NSMCE2: variants seen among roughly 807,000 people sequenced by gnomAD.
NSMCE2 encodes E3 SUMO-protein ligase NSE2.
In NSMCE2, 24 loss-of-function variants were observed where a neutral mutation model predicts 23.8. The observed-to-expected ratio is 1.01, with a 90% CI of 0.73 to 1.42. NSMCE2 has a LOEUF of 1.42. Ranked by LOEUF, NSMCE2 falls within the 40% of genes most tolerant of loss-of-function variation. The pLI is 0.00. For missense variants in NSMCE2, 284 were observed against 296.5 expected (o/e 0.96, Z 0.31); for synonymous variants, 92 against 94.1 (o/e 0.98, Z 0.13).
At chr8:125,345,450 A>G (rs1213183189) in intron 5 of NSMCE2, among the ~76,000 whole-genome samples, 1 of 152,248 alleles carries the variant, frequency 6.6e-6, no homozygotes, top group African/African-American at 2.4e-5. Context: ...TATTCAAAGC[A>G]TTCTCTTACT....
At chr8:125,134,417 C>T (rs1288378540) in intron 3 of NSMCE2, among the ~76,000 whole-genome samples, 1 of 152,162 alleles carries the variant, frequency 6.6e-6, no homozygotes, top group African/African-American at 2.4e-5. Flanking sequence ...GCTCCCCATC[C>T]TTGTCAACAC....
intron 5 of NSMCE2, among the ~76,000 whole-genome samples, chr8:125,203,077 A>G (rs1048752791): frequency 2.6e-5 from 4 of 152,168 alleles, no homozygotes; most frequent in Admixed American, 1.3e-4. Flanking sequence ...AGCTGCAGCT[A>G]TCACTATGTA....
chr8:125,161,783 C>T (rs1461307236), intron 4 of NSMCE2, among the ~76,000 whole-genome samples: 1 of 116,226 alleles, frequency 8.6e-6, no homozygotes, highest in Non-Finnish European at 1.7e-5. Context: ...CAGAGTGAGA[C>T]AATGTCTCAA....
At chr8:125,217,359 A>ATT (rs72476060) in intron 5 of NSMCE2, among the ~76,000 whole-genome samples, 8,890 of 150,388 alleles carry the variant, frequency 0.059, 332 homozygotes, top group South Asian at 0.13. Flanking sequence ...TTATTTATTT[A>ATT]TTTTTTATTT....
chr8:125,324,365 A>G (rs576420933), intron 5 of NSMCE2, among the ~76,000 whole-genome samples: 2 of 152,250 alleles, frequency 1.3e-5, no homozygotes, highest in African/African-American at 2.4e-5. Flanking sequence ...ACAAATGTTC[A>G]TAGCAGCTTT....
At chr8:125,309,248 CAAAAAAAAAAA>C (rs111355815) in intron 5 of NSMCE2, among the ~76,000 whole-genome samples, 2 of 65,534 alleles carry the variant, frequency 3.1e-5, no homozygotes, top group East Asian at 5.7e-4. Context: ...AACTCTGTCT[CAAAAAAAAAAA>C]AAAAAAAAAA....
intron 4 of NSMCE2, among the ~76,000 whole-genome samples, chr8:125,181,614 A>G (rs1299835840): frequency 6.6e-6 from 1 of 152,130 alleles, no homozygotes; most frequent in Non-Finnish European, 1.5e-5. Flanking sequence ...ATTCCTTGGC[A>G]TGGCAGGACA....
intron 5 of NSMCE2, among the ~76,000 whole-genome samples, chr8:125,314,183 T>C (rs989505717): frequency 5.9e-5 from 9 of 152,250 alleles, no homozygotes; most frequent in African/African-American, 2.2e-4. Flanking sequence ...GGCCAATTCC[T>C]CCCAGCCATT....
At chr8:125,266,152 C>T (rs1826908083) in intron 5 of NSMCE2, among the ~76,000 whole-genome samples, 1 of 144,146 alleles carries the variant, frequency 6.9e-6, no homozygotes, top group South Asian at 2.1e-4. Context: ...GAGTGCAATG[C>T]GCGATCTCCG....
chr8:125,243,664 T>A (rs1421043723), intron 5 of NSMCE2, among the ~76,000 whole-genome samples: 1 of 152,146 alleles, frequency 6.6e-6, no homozygotes, highest in Non-Finnish European at 1.5e-5. Flanking sequence ...TAAGGAATTA[T>A]AAGAACTATA....
At chr8:125,167,622 A>G (rs1356814065) in intron 4 of NSMCE2, among the ~76,000 whole-genome samples, 3 of 152,194 alleles carry the variant, frequency 2.0e-5, no homozygotes, top group Non-Finnish European at 4.4e-5. Flanking sequence ...CAACTGAGCA[A>G]GACTCAGTCT....
intron 5 of NSMCE2, among the ~76,000 whole-genome samples, chr8:125,223,853 G>A (rs977243549): frequency 5.4e-5 from 7 of 130,820 alleles, no homozygotes; most frequent in Admixed American, 8.9e-5. Context: ...GCGCTGTCAC[G>A]CAGGCTGGAG....
chr8:125,127,973 T>C (rs1819592670), intron 3 of NSMCE2, among the ~76,000 whole-genome samples: 1 of 152,214 alleles, frequency 6.6e-6, no homozygotes, highest in South Asian at 2.1e-4. Context: ...TGGTGTCATG[T>C]CAGCGCTCAA....
chr8:125,194,611 G>T (rs1048674671), intron 5 of NSMCE2, among the ~76,000 whole-genome samples: 1 of 151,980 alleles, frequency 6.6e-6, no homozygotes, highest in Non-Finnish European at 1.5e-5. Context: ...AAATATCCAG[G>T]CATAAGATTG....
At chr8:125,205,652 A>T (rs1824082879) in intron 5 of NSMCE2, among the ~76,000 whole-genome samples, 1 of 152,148 alleles carries the variant, frequency 6.6e-6, no homozygotes, top group African/African-American at 2.4e-5. Context: ...GCAGCGAGCT[A>T]TTCTTTGTTT....
chr8:125,219,785 A>C (rs1214341652), intron 5 of NSMCE2, among the ~76,000 whole-genome samples: 1 of 152,206 alleles, frequency 6.6e-6, no homozygotes, highest in Non-Finnish European at 1.5e-5. Flanking sequence ...TCGCTGATTG[A>C]AAACACCACA....
chr8:125,346,168 A>G (rs1830430366), intron 5 of NSMCE2, among the ~76,000 whole-genome samples: 2 of 152,192 alleles, frequency 1.3e-5, no homozygotes, highest in East Asian at 1.9e-4. Context: ...AAAAAAAAAA[A>G]AGAAGGCCAT....
intron 1 of NSMCE2, among the ~76,000 whole-genome samples, chr8:125,095,462 C>T (rs542736483): frequency 8.6e-5 from 13 of 151,702 alleles, no homozygotes; most frequent in Middle Eastern, 3.2e-3. Flanking sequence ...CAAGTGGTGG[C>T]GCGCGCCTGT....
intron 5 of NSMCE2, among the ~76,000 whole-genome samples, chr8:125,213,149 A>G (rs541436068): frequency 1.1e-4 from 17 of 152,298 alleles, no homozygotes; most frequent in African/African-American, 3.8e-4. Flanking sequence ...TGAAAAAGAA[A>G]TGTTGAACAT....
Sources: gnomAD v4.1 joint callset for allele counts (sites outside exome capture counted in the v4.1 genomes callset) on GRCh38, gnomAD v4.1.1 for gene constraint, MANE v1.5 for transcripts, NCBI Gene and HGNC (gene_info 2026-07-23, HGNC 2026-07-21) for gene names.